SH3TC2: variants seen among roughly 807,000 people sequenced by gnomAD.
SH3TC2 encodes the protein SH3 domain and tetratricopeptide repeat-containing protein 2.
Under a neutral mutation model 124.5 loss-of-function variants are expected in SH3TC2, and 87 were observed. That is an observed-to-expected ratio of 0.70 (90% CI 0.59 to 0.84). The LOEUF is 0.84. Among genes scored for constraint, SH3TC2 ranks in the 40% least tolerant of loss-of-function variants. The pLI is 0.00. For missense variants in SH3TC2, 1,536 were observed against 1,566.4 expected (o/e 0.98, Z 0.33); for synonymous variants, 634 against 628.5 (o/e 1.01, Z -0.13).
At position 148,995,544 on chromosome 5, in the gene SH3TC2, C is replaced by G. The variant is rs1753495721; in HGVS notation, c.*9167G>C. On this transcript the variant is annotated 3_prime_UTR_variant, in exon 17 of 17. Coordinates refer to ENST00000515425, the MANE Select transcript of SH3TC2 (RefSeq NM_024577.4). ...GCTTATTATTCTCAATAAACTTTTG[C>G]TGAATACCTGCTATATATGTGAGCA... Among the ~76,000 whole-genome samples, 1 of 152,196 alleles carries G rather than the reference C, an allele frequency of 6.6e-6. No individual in the cohort carries two copies. The highest frequency in any genetic ancestry group is 2.4e-5 in the African/African-American group (1 of 41,454).
intron 4 of SH3TC2, 121 bp downstream of exon 4, chr5:149,044,412 T>G: frequency 1.3e-6 from 1 of 742,794 alleles, no homozygotes. Context: ...AAGTTAACCA[T>G]CTTTTTTAAG....
chr5:149,042,855 C>A lies in SH3TC2; in HGVS notation c.386-18G>T, dbSNP rs750592138. ...TACGTAGCCTAAGAAGTCAAGCCAA[C>A]AAGATTTCTGAACAAAATGATTTCT... On this transcript the variant is annotated intron_variant, in intron 4 of 16. Transcript: ENST00000515425. The A allele has an allele frequency of 1.2e-6, 2 of 1,613,852 alleles. No individual in the cohort carries two copies. The highest frequency in any genetic ancestry group is 8.5e-7 in the Non-Finnish European group (1 of 1,179,988).
chr5:149,054,222 A>T (rs1378555552), intron 1 of SH3TC2, among the ~76,000 whole-genome samples: 3 of 152,210 alleles, frequency 2.0e-5, no homozygotes, highest in Non-Finnish European at 4.4e-5. Context: ...AAGAAAAAAT[A>T]TTGCTTCATC....
chr5:148,988,777 T>C lies in SH3TC2; in HGVS notation c.*15934A>G, dbSNP rs377415024. On this transcript the variant is annotated 3_prime_UTR_variant, in exon 17 of 17. Transcript: ENST00000515425. ...CCAGTCAATCCATCAGACCAACAGA[T>C]GATGATAAGCTGTTTTAAATCAGAA... Among the ~76,000 whole-genome samples, 4 of 152,212 alleles carry C rather than the reference T, an allele frequency of 2.6e-5. No homozygotes were observed. The highest frequency in any genetic ancestry group is 4.1e-4 in the South Asian group (2 of 4,832).
At chr5:149,033,707 C>T (rs1447344931) in intron 8 of SH3TC2, among the ~76,000 whole-genome samples, 2 of 152,218 alleles carry the variant, frequency 1.3e-5, no homozygotes, top group African/African-American at 4.8e-5. Flanking sequence ...GCCGAGAACA[C>T]ACTTTTCATC....
Position 148,983,631 on chromosome 5 carries a change from T to C in SH3TC2, c.*21080A>G, listed in dbSNP as rs571140744. Among the ~76,000 whole-genome samples the C allele has an allele frequency of 1.3e-5, 2 of 152,210 alleles. No homozygotes were observed. The highest frequency in any genetic ancestry group is 3.9e-4 in the East Asian group (2 of 5,180). On this transcript the variant is annotated 3_prime_UTR_variant, in exon 17 of 17. Transcript: ENST00000515425. ...AGCAATCTAGCTTCCTATTTTGGGG[T>C]TTCCTTCCCCCTACCCCGCACCCCA...
At chr5:149,041,659 A>C (rs1754374949) in intron 5 of SH3TC2, 42 bp from the exon 6 acceptor site, 7 of 1,603,800 alleles carry the variant, frequency 4.4e-6, no homozygotes, top group Non-Finnish European at 5.1e-6. Flanking sequence ...AAGGAGTAGC[A>C]GGAAGTGAAA....
At chr5:149,012,870 G>A (rs1753807785) in intron 12 of SH3TC2, 136 bp from the exon 13 acceptor site, 3 of 970,178 alleles carry the variant, frequency 3.1e-6, no homozygotes, top group South Asian at 2.8e-5. Flanking sequence ...CTGATTGAAT[G>A]CCAGCTCTAC....
intron 2 of SH3TC2, among the ~76,000 whole-genome samples, chr5:149,050,052 C>T (rs544106568): frequency 2.7e-4 from 41 of 152,262 alleles, no homozygotes; most frequent in Non-Finnish European, 4.7e-4. Flanking sequence ...ATTCGTAGCC[C>T]CTGCTGACTG....
At chr5:149,006,771 G>T in intron 16 of SH3TC2, 110 bp downstream of exon 16, 2 of 1,101,954 alleles carry the variant, frequency 1.8e-6, no homozygotes, top group South Asian at 1.3e-5. Flanking sequence ...TTCTCATCTT[G>T]GCACTCTGGT....
chr5:149,057,172 T>C (rs1292308863), intron 1 of SH3TC2, among the ~76,000 whole-genome samples: 1 of 152,230 alleles, frequency 6.6e-6, no homozygotes, highest in Non-Finnish European at 1.5e-5. Context: ...TACTTTAATC[T>C]ACTATTTAAA....
rs1753592470 is a variant in SH3TC2 at position 149,001,240 on chromosome 5, A to G, written c.*3471T>C. The G allele has an allele frequency of 6.6e-6, 1 of 152,214 alleles. No homozygotes were observed. Among genetic ancestry groups the G allele is most frequent in the Non-Finnish European group, 1.5e-5 (1 of 68,034 alleles). 9.4% of individuals were successfully genotyped at this position (152,214 alleles called of 1,614,324 possible). A position where few individuals can be genotyped will look rare whatever the true frequency, so the allele number is the denominator to read the frequency against. ...ATCTTAAAATAATGGAAAAGCAAATAAGAAAAGGACAAAAGCAATATTGGA... is the reference window on the plus strand; with the variant it reads ...ATCTTAAAATAATGGAAAAGCAAATGAGAAAAGGACAAAAGCAATATTGGA... On this transcript the variant is annotated 3_prime_UTR_variant, in exon 17 of 17. Coordinates refer to ENST00000515425, the MANE Select transcript of SH3TC2 (RefSeq NM_024577.4).
At chr5:149,029,094 G>A (rs1027879907) in intron 9 of SH3TC2, among the ~76,000 whole-genome samples, 33 of 152,170 alleles carry the variant, frequency 2.2e-4, no homozygotes, top group African/African-American at 7.2e-4. Flanking sequence ...ATCTCTCAGC[G>A]AGTTCACGAT....
Position 148,982,926 on chromosome 5 carries a change from G to A in SH3TC2, c.*21785C>T, listed in dbSNP as rs1368785400. 6.6e-6 allele frequency among the ~76,000 whole-genome samples: 1 copy of A among 152,210 alleles called. No individual in the cohort carries two copies. Among genetic ancestry groups the A allele is most frequent in the Non-Finnish European group, 1.5e-5 (1 of 68,036 alleles). ...TGAAAGATAACTTTAGGAGACTGAC[G>A]CAGCAGAGGCATCATGTCTGCAAGT... is the stretch of plus-strand genomic sequence containing the variant. On this transcript the variant is annotated 3_prime_UTR_variant, in exon 17 of 17. Transcript: ENST00000515425.
chr5:149,036,237 G>T (rs1465261212), intron 8 of SH3TC2, among the ~76,000 whole-genome samples: 2 of 152,138 alleles, frequency 1.3e-5, no homozygotes, highest in East Asian at 3.9e-4. Context: ...TGCCTTTTGG[G>T]GACCCTGACT....
rs201323132 is a variant in SH3TC2, at chr5:148,994,697, A to AGGATGGATGGATGGATGGAT, written c.*9994_*10013dup. ...TTGGATAAATGAATGGATGGATGGA[A>AGGATGGATGGATGGATGGAT]GGATGGATGGATGGATGGATGGATG... On this transcript the variant is annotated 3_prime_UTR_variant, in exon 17 of 17. Coordinates refer to ENST00000515425, the MANE Select transcript of SH3TC2 (RefSeq NM_024577.4). Among the ~76,000 whole-genome samples the AGGATGGATGGATGGATGGAT allele has an allele frequency of 5.9e-4, 85 of 144,838 alleles. No homozygotes were observed. The highest frequency in any genetic ancestry group is 2.2e-3 in the East Asian group (11 of 4,948).
In SH3TC2 at chr5:148,991,602, T is replaced by C. The variant is rs1397859329; in HGVS notation, c.*13109A>G. Among the ~76,000 whole-genome samples the C allele has an allele frequency of 1.3e-5, 2 of 152,166 alleles. No individual in the cohort carries two copies. Among genetic ancestry groups the C allele is most frequent in the African/African-American group, 4.8e-5 (2 of 41,430 alleles). On this transcript the variant is annotated 3_prime_UTR_variant, in exon 17 of 17. Coordinates refer to ENST00000515425, the MANE Select transcript of SH3TC2 (RefSeq NM_024577.4). Reference sequence around the variant, plus strand: ...TTAGTGGTAGTAACATCAAGTAGTCTCCAGACATTGCAGCTGGGTGGTTGA... The same window carrying C: ...TTAGTGGTAGTAACATCAAGTAGTCCCCAGACATTGCAGCTGGGTGGTTGA...
chr5:148,998,592 C>T lies in SH3TC2; in HGVS notation c.*6119G>A, dbSNP rs939627069. On this transcript the variant is annotated 3_prime_UTR_variant, in exon 17 of 17. Transcript: ENST00000515425. ...TCGTTTTGAAAGCACAGCATCCTTC[C>T]CTCTCACCTGCCTCGCAGTCTGTAC... Among the ~76,000 whole-genome samples, 5 of 152,322 alleles carry T rather than the reference C, an allele frequency of 3.3e-5. No homozygotes were observed. Among genetic ancestry groups the T allele is most frequent in the Admixed American group, 6.5e-5 (1 of 15,298 alleles).
intron 1 of SH3TC2, among the ~76,000 whole-genome samples, chr5:149,055,538 A>G (rs1314268650): frequency 6.6e-6 from 1 of 152,192 alleles, no homozygotes; most frequent in East Asian, 1.9e-4. Context: ...GAGGATATAG[A>G]GCAAGTAGAA....
Sources: allele counts gnomAD v4.1 joint callset (sites outside exome capture counted in the v4.1 genomes callset), GRCh38; gene constraint gnomAD v4.1.1; transcripts MANE v1.5; gene names NCBI Gene and HGNC (gene_info 2026-07-23, HGNC 2026-07-21).